Variants in WWOX observed in about 807,000 individuals in gnomAD.
The protein encoded by WWOX is WW domain-containing oxidoreductase.
Under a neutral mutation model 46.2 loss-of-function variants are expected in WWOX, and 69 were observed. The observed-to-expected ratio is 1.49, with a 90% CI of 1.23 to 1.82. The LOEUF (loss-of-function observed/expected upper bound fraction) is 1.82. Ranked by LOEUF, WWOX falls within the 40% of genes most tolerant of loss-of-function variation. The pLI is 0.00. For synonymous variants in WWOX, 359 were observed against 202.6 expected (o/e 1.77, Z -6.56); for missense variants, 919 against 542.6 (o/e 1.69, Z -6.89).
intron 5 of WWOX, among the ~76,000 whole-genome samples, chr16:78,359,306 A>T (rs943520960): frequency 7.9e-5 from 12 of 152,210 alleles, no homozygotes; most frequent in Admixed American, 2.6e-4. Context: ...TTGAACAAAA[A>T]GTTTTAGCAT....
intron 8 of WWOX, among the ~76,000 whole-genome samples, chr16:78,624,994 C>T (rs1267072953): frequency 6.6e-6 from 1 of 152,150 alleles, no homozygotes; most frequent in African/African-American, 2.4e-5. Context: ...CCCGCTGACC[C>T]TGAGTTCTGC....
intron 5 of WWOX, among the ~76,000 whole-genome samples, chr16:78,226,622 C>T (rs1016513304): frequency 1.3e-5 from 2 of 151,506 alleles, no homozygotes. Context: ...TCTTGTATAG[C>T]TCAGGTCTCA....
Position 78,220,002 on chromosome 16 carries a change from G to C in WWOX, c.516+55713G>C, listed in dbSNP as rs545416767. 4.2e-3 allele frequency among the ~76,000 whole-genome samples: 641 copies of C among 152,282 alleles called. 7 individuals are homozygous for C. The highest frequency in any genetic ancestry group is 0.015 in the African/African-American group (622 of 41,554). On this transcript the variant is annotated intron_variant, in intron 5 of 8. Coordinates refer to ENST00000566780, the MANE Select transcript of WWOX (RefSeq NM_016373.4). Reference sequence around the variant, plus strand: ...TAAAGTGTCTCCTGAATCATTACCAGTATAATTATTCTGTGAACTGTATTT... The same window carrying C: ...TAAAGTGTCTCCTGAATCATTACCACTATAATTATTCTGTGAACTGTATTT...
At chr16:78,943,742 C>T (rs1192889130) in intron 8 of WWOX, among the ~76,000 whole-genome samples, 5 of 152,152 alleles carry the variant, frequency 3.3e-5, no homozygotes, top group Non-Finnish European at 7.3e-5. Flanking sequence ...CTGCCAAGAC[C>T]ATTAAGCTTC....
At chr16:78,556,612 G>A (rs2044303322) in intron 8 of WWOX, among the ~76,000 whole-genome samples, 1 of 152,194 alleles carries the variant, frequency 6.6e-6, no homozygotes, top group Non-Finnish European at 1.5e-5. Context: ...CACGACTGCT[G>A]TCTGTGTTTA....
Position 78,885,387 on chromosome 16 carries a change from C to A in WWOX, c.1057-326221C>A, listed in dbSNP as rs554776850. Among the ~76,000 whole-genome samples the A allele has an allele frequency of 3.9e-4, 60 of 152,244 alleles. 2 individuals are homozygous for A. In the South Asian group the frequency reaches 0.011, roughly 27 times the overall value. ...CAAGAACACTTTTTGGCTCCTGAGA[C>A]CACAACAGTCAGATAAATTAATATT... On this transcript the variant is annotated intron_variant, in intron 8 of 8. Coordinates refer to ENST00000566780, the MANE Select transcript of WWOX (RefSeq NM_016373.4).
chr16:78,704,018 A>G (rs1011957703), intron 8 of WWOX, among the ~76,000 whole-genome samples: 5 of 152,202 alleles, frequency 3.3e-5, no homozygotes, highest in East Asian at 1.9e-4. Flanking sequence ...CTGTTGTGCA[A>G]CCATCACCCC....
chr16:79,202,199 C>G (rs1490805787), intron 8 of WWOX, among the ~76,000 whole-genome samples: 1 of 152,166 alleles, frequency 6.6e-6, no homozygotes, highest in Non-Finnish European at 1.5e-5. Flanking sequence ...TACTTAATCT[C>G]TGGCCCTTTG....
At chr16:78,884,508 C>A (rs2044412364) in intron 8 of WWOX, among the ~76,000 whole-genome samples, 1 of 151,920 alleles carries the variant, frequency 6.6e-6, no homozygotes, top group Admixed American at 6.6e-5. Flanking sequence ...GACTACTCAC[C>A]AACAAGAATG....
chr16:79,052,979 G>A lies in WWOX; in HGVS notation c.1057-158629G>A, dbSNP rs1378804484. ...GTTTGTGTATTTGGGGGTTGGGATG[G>A]GGGGGTGGGTGGAGGGTCAGAGAGG... is the stretch of plus-strand genomic sequence containing the variant. On this transcript the variant is annotated intron_variant, in intron 8 of 8. Coordinates refer to ENST00000566780, the MANE Select transcript of WWOX (RefSeq NM_016373.4). Among the ~76,000 whole-genome samples, 12 of 151,432 alleles carry A rather than the reference G, an allele frequency of 7.9e-5. No homozygotes were observed. The South Asian group carries it at 1.7e-3, about 21-fold the overall frequency.
intron 8 of WWOX, among the ~76,000 whole-genome samples, chr16:78,570,117 G>A (rs905037544): frequency 2.0e-5 from 3 of 152,178 alleles, no homozygotes; most frequent in African/African-American, 7.2e-5. Flanking sequence ...GGAGACAGGT[G>A]AGAATACAGG....
intron 4 of WWOX, among the ~76,000 whole-genome samples, chr16:78,158,096 C>T (rs2034665581): frequency 1.3e-5 from 2 of 152,166 alleles, no homozygotes; most frequent in African/African-American, 2.4e-5. Context: ...TTGAGTTTTC[C>T]TCTGTGCTAT....
intron 4 of WWOX, among the ~76,000 whole-genome samples, chr16:78,128,974 A>C (rs2033476617): frequency 1.3e-5 from 2 of 152,154 alleles, no homozygotes; most frequent in Non-Finnish European, 2.9e-5. Flanking sequence ...AAGTTCACGT[A>C]CAGTTACTAG....
At chr16:78,424,216 C>G (rs1169967087) in intron 6 of WWOX, among the ~76,000 whole-genome samples, 3 of 144,470 alleles carry the variant, frequency 2.1e-5, no homozygotes, top group Non-Finnish European at 4.5e-5. Context: ...CTCCTGGGTT[C>G]AAGTGATTCT....
chr16:78,453,071 G>T (rs1193332478), intron 8 of WWOX, among the ~76,000 whole-genome samples: 2 of 150,454 alleles, frequency 1.3e-5, no homozygotes, highest in Admixed American at 1.3e-4. Context: ...TTGTGAAGAC[G>T]GGTTTCATCA....
chr16:79,154,544 A>G (rs1166873330), intron 8 of WWOX, among the ~76,000 whole-genome samples: 1 of 151,502 alleles, frequency 6.6e-6, no homozygotes, highest in Non-Finnish European at 1.5e-5. Flanking sequence ...TTGAAAGGAT[A>G]TAGCCACTCT....
intron 8 of WWOX, among the ~76,000 whole-genome samples, chr16:78,719,751 C>T (rs569740274): frequency 3.9e-5 from 6 of 152,080 alleles, no homozygotes; most frequent in Non-Finnish European, 7.4e-5. Context: ...TAACTTTAAG[C>T]TTCATCAAGT....
At chr16:78,380,930 G>T (rs74385818) in intron 5 of WWOX, among the ~76,000 whole-genome samples, 1 of 152,184 alleles carries the variant, frequency 6.6e-6, no homozygotes, top group East Asian at 1.9e-4. Flanking sequence ...AGAGCCCATT[G>T]TGTGGCTTGT....
chr16:78,791,809 G>A (rs895636095), intron 8 of WWOX, among the ~76,000 whole-genome samples: 1 of 152,108 alleles, frequency 6.6e-6, no homozygotes, highest in Non-Finnish European at 1.5e-5. Flanking sequence ...GAACCGGAGA[G>A]GCAGAGGTTG....
Sources: allele counts gnomAD v4.1 joint callset (sites outside exome capture counted in the v4.1 genomes callset), GRCh38; gene constraint gnomAD v4.1.1; transcripts MANE v1.5; gene names NCBI Gene and HGNC (gene_info 2026-07-23, HGNC 2026-07-21).